The following ADAMTS12 variants were observed in gnomAD, a reference collection of about 807,000 sequenced individuals.
ADAMTS12 encodes ADAM metallopeptidase with thrombospondin type 1 motif 12.
ADAMTS12 carries 118 observed loss-of-function variants against 167.8 expected under a neutral mutation model. That is an observed-to-expected ratio of 0.70 (90% CI 0.61 to 0.82). The LOEUF (loss-of-function observed/expected upper bound fraction) is 0.82, where lower values mean the gene tolerates loss of function less well. Among genes scored for constraint, ADAMTS12 ranks in the 40% least tolerant of loss-of-function variants. ADAMTS12 has a pLI of 0.00. For synonymous variants in ADAMTS12, 704 were observed against 716.9 expected, an observed-to-expected ratio of 0.98 and a Z score of 0.29; for missense variants, 1,916 against 1,998.8, an observed-to-expected ratio of 0.96 and a Z score of 0.79.
At chr5:33,873,508 C>T (rs528581717) in intron 2 of ADAMTS12, among the ~76,000 whole-genome samples, 1 of 152,268 alleles carries the variant, frequency 6.6e-6, no homozygotes, top group Admixed American at 6.5e-5. Context: ...AATCTATAGA[C>T]TTAATGCAAT....
At chr5:33,659,218 C>A (rs1225069943) in intron 6 of ADAMTS12, among the ~76,000 whole-genome samples, 1 of 152,146 alleles carries the variant, frequency 6.6e-6, no homozygotes, top group East Asian at 1.9e-4. Context: ...ATCTTCAGTT[C>A]TCCAGGTTGC....
intron 3 of ADAMTS12, among the ~76,000 whole-genome samples, chr5:33,741,464 G>T (rs113945725): frequency 6.6e-6 from 1 of 152,036 alleles, no homozygotes; most frequent in Non-Finnish European, 1.5e-5. Context: ...ATTTAATTAG[G>T]TCTTTAAGAC....
At chr5:33,889,540 G>C (rs10050861) in intron 1 of ADAMTS12, among the ~76,000 whole-genome samples, 82,848 of 152,078 alleles carry the variant, frequency 0.54, 24,879 homozygotes, top group East Asian at 0.83. Context: ...CTCCCTCTTT[G>C]TGACTTTCCT....
rs182684498 is a variant in ADAMTS12, at chr5:33,630,772, C to T, written c.2022+8G>A. The T allele has an allele frequency of 1.2e-4, 195 of 1,610,668 alleles. 1 individual carries two copies. In the East Asian group the frequency reaches 4.2e-3, roughly 34 times the overall value. The stretch of plus-strand genomic sequence containing the variant: ...TAAAGTTGTAGATTAAGGAAACATA[C>T]CCAATACCTTACATATGCCATTAAT... On this transcript the variant is annotated splice_region_variant and intron_variant, in intron 13 of 23. Coordinates refer to ENST00000504830, the MANE Select transcript of ADAMTS12 (RefSeq NM_030955.4).
At chr5:33,570,034 G>A (rs911224577) in intron 19 of ADAMTS12, among the ~76,000 whole-genome samples, 1 of 152,114 alleles carries the variant, frequency 6.6e-6, no homozygotes, top group Admixed American at 6.5e-5. Context: ...AGCAAGAAGG[G>A]AAGTTTAGAG....
At chr5:33,550,891 A>C (rs549266771) in intron 20 of ADAMTS12, among the ~76,000 whole-genome samples, 3 of 152,144 alleles carry the variant, frequency 2.0e-5, no homozygotes, top group African/African-American at 7.2e-5. Context: ...TCAACATTGA[A>C]TTATGAGAAA....
At chr5:33,817,095 C>G (rs374770147) in intron 2 of ADAMTS12, among the ~76,000 whole-genome samples, 1 of 152,270 alleles carries the variant, frequency 6.6e-6, no homozygotes, top group Non-Finnish European at 1.5e-5. Flanking sequence ...CACAAAACAG[C>G]TGCTTGGAGG....
chr5:33,664,395 A>C (rs1464148626), intron 5 of ADAMTS12, among the ~76,000 whole-genome samples: 1 of 152,228 alleles, frequency 6.6e-6, no homozygotes, highest in Non-Finnish European at 1.5e-5. Context: ...TTTTTGACAA[A>C]GGTAAAAAAG....
At chr5:33,630,663 A>G (rs1179771946) in intron 13 of ADAMTS12, 117 bp downstream of exon 13, 2 of 1,133,368 alleles carry the variant, frequency 1.8e-6, no homozygotes, top group African/African-American at 3.2e-5. Flanking sequence ...TGAACTATAT[A>G]TAAAAAACAG....
intron 14 of ADAMTS12, 34 bp downstream of exon 14, chr5:33,624,197 C>T (rs1739468559): frequency 6.2e-7 from 1 of 1,613,052 alleles, no homozygotes; most frequent in Non-Finnish European, 8.5e-7. Context: ...CACCTTTGGT[C>T]CCCTGCCACT....
At chr5:33,879,106 ACAAC>A (rs1336566364) in intron 2 of ADAMTS12, among the ~76,000 whole-genome samples, 1 of 152,208 alleles carries the variant, frequency 6.6e-6, no homozygotes, top group Non-Finnish European at 1.5e-5. Context: ...TGATGGCTGC[ACAAC>A]TCTGAACACA....
At chr5:33,633,515 G>A (rs1489314114) in intron 12 of ADAMTS12, among the ~76,000 whole-genome samples, 4 of 151,912 alleles carry the variant, frequency 2.6e-5, no homozygotes, top group African/African-American at 9.7e-5. Context: ...CCACCACCAT[G>A]ACCTATAGGT....
chr5:33,629,449 A>G (rs1739816417), intron 13 of ADAMTS12, among the ~76,000 whole-genome samples: 1 of 152,182 alleles, frequency 6.6e-6, no homozygotes, highest in Non-Finnish European at 1.5e-5. Flanking sequence ...CTCTGTTAAG[A>G]GCTTAACATA....
chr5:33,584,782 T>G (rs988592008), intron 18 of ADAMTS12, among the ~76,000 whole-genome samples: 2 of 152,214 alleles, frequency 1.3e-5, no homozygotes, highest in African/African-American at 4.8e-5. Context: ...AATTACCACC[T>G]ATCATTACTA....
chr5:33,787,462 G>A (rs1746370470), intron 2 of ADAMTS12, among the ~76,000 whole-genome samples: 1 of 152,210 alleles, frequency 6.6e-6, no homozygotes, highest in African/African-American at 2.4e-5. Context: ...AAAACCTTCA[G>A]CATTTCTATG....
At chr5:33,755,481 T>TC (rs552767888) in intron 2 of ADAMTS12, among the ~76,000 whole-genome samples, 79 of 152,326 alleles carry the variant, frequency 5.2e-4, no homozygotes, top group African/African-American at 1.9e-3. Context: ...CTCCCTCCCC[T>TC]CAACTTGCAT....
At chr5:33,762,533 GGAAA>G (rs914470223) in intron 2 of ADAMTS12, among the ~76,000 whole-genome samples, 1 of 151,362 alleles carries the variant, frequency 6.6e-6, no homozygotes, top group African/African-American at 2.4e-5. Context: ...AATAAATAAA[GGAAA>G]GAAAGAAAGA....
rs146923737 is a variant in ADAMTS12 at position 33,625,093 on chromosome 5, A to G, written c.2023-742T>C. Among the ~76,000 whole-genome samples the G allele has an allele frequency of 3.0e-3, 457 of 152,214 alleles. 2 individuals carry two copies. Among genetic ancestry groups the G allele is most frequent in the African/African-American group, 9.0e-3 (372 of 41,548 alleles). ...AACAGCCTTGAACTCTTGGCCTCCC[A>G]CCTCAGCCTTCTGAGTAGCTGGGAC... On this transcript the variant is annotated intron_variant, in intron 13 of 23. Coordinates refer to ENST00000504830, the MANE Select transcript of ADAMTS12 (RefSeq NM_030955.4).
At chr5:33,528,342 A>G (rs1743921236) in intron 23 of ADAMTS12, among the ~76,000 whole-genome samples, 1 of 152,194 alleles carries the variant, frequency 6.6e-6, no homozygotes, top group South Asian at 2.1e-4. Context: ...AGATGGGTGC[A>G]CTAAAATCTC....
Sources: allele counts gnomAD v4.1 joint callset (sites outside exome capture counted in the v4.1 genomes callset), GRCh38; gene constraint gnomAD v4.1.1; transcripts MANE v1.5; gene names NCBI Gene and HGNC (gene_info 2026-07-23, HGNC 2026-07-21).